The following TMEM232 variants were observed in gnomAD, a reference collection of about 807,000 sequenced individuals.
TMEM232 encodes transmembrane protein 232.
Under a neutral mutation model 78.8 loss-of-function variants are expected in TMEM232, and 80 were observed. The ratio of observed to expected loss-of-function variants is 1.01; its 90% CI spans 0.85 to 1.22. The LOEUF (loss-of-function observed/expected upper bound fraction) is 1.22. TMEM232 is among the 50% of genes most tolerant of loss of function. The pLI is 0.00. For missense variants in TMEM232, 881 were observed against 742.2 expected (o/e 1.19, Z -2.17); for synonymous variants, 297 against 254.3 (o/e 1.17, Z -1.60).
intron 1 of TMEM232, among the ~76,000 whole-genome samples, chr5:110,688,287 C>G (rs1793676693): frequency 6.6e-6 from 1 of 152,084 alleles, no homozygotes; most frequent in Admixed American, 6.6e-5. Flanking sequence ...GCCTGAACTT[C>G]AAGGCAGAAA....
intron 7 of TMEM232, among the ~76,000 whole-genome samples, chr5:110,622,805 A>G (rs969053453): frequency 5.5e-5 from 8 of 146,268 alleles, no homozygotes; most frequent in African/African-American, 1.5e-4. Flanking sequence ...GAACACATGG[A>G]CACAGGAAGG....
chr5:110,469,620 T>C (rs1762453082), intron 12 of TMEM232, among the ~76,000 whole-genome samples: 1 of 152,160 alleles, frequency 6.6e-6, no homozygotes, highest in Non-Finnish European at 1.5e-5. Context: ...ATATCCCTCC[T>C]AGTTGCTGCT....
chr5:110,608,049 A>T (rs1280112681), intron 8 of TMEM232, among the ~76,000 whole-genome samples: 3 of 151,886 alleles, frequency 2.0e-5, no homozygotes, highest in Non-Finnish European at 4.4e-5. Context: ...AAATAAGACA[A>T]AATCCTAATT....
intron 1 of TMEM232, among the ~76,000 whole-genome samples, chr5:110,685,747 T>C (rs961896806): frequency 1.3e-5 from 2 of 152,102 alleles, no homozygotes; most frequent in Non-Finnish European, 2.9e-5. Context: ...AACTCAACCA[T>C]CTGTCAGTGG....
At position 110,533,841 on chromosome 5, in the gene TMEM232, C is replaced by T. The variant is rs544149592; in HGVS notation, c.1456-5006G>A. On this transcript the variant is annotated intron_variant, in intron 11 of 13. Transcript: ENST00000455884. ...TAATGGCAGTTCCACCAGGCCTAAT[C>T]GCCACACACCAGCAAAGGCAGGCTA... is the stretch of plus-strand genomic sequence containing the variant. Among the ~76,000 whole-genome samples the T allele has an allele frequency of 9.9e-5, 15 of 152,254 alleles. No individual in the cohort carries two copies. The East Asian group carries it at 1.2e-3, about 12-fold the overall frequency.
intron 12 of TMEM232, among the ~76,000 whole-genome samples, chr5:110,436,740 A>G (rs568336362): frequency 4.6e-5 from 7 of 152,054 alleles, no homozygotes; most frequent in Non-Finnish European, 1.0e-4. Flanking sequence ...TATTCCTGGC[A>G]TCTTTATTGA....
intron 7 of TMEM232, among the ~76,000 whole-genome samples, chr5:110,619,815 T>C (rs1580383255): frequency 1.3e-5 from 2 of 152,078 alleles, no homozygotes; most frequent in South Asian, 4.1e-4. Context: ...TAAATAAATA[T>C]GTTTGACAAG....
chr5:110,674,712 T>C (rs192253557), intron 1 of TMEM232, among the ~76,000 whole-genome samples: 141 of 152,324 alleles, frequency 9.3e-4, no homozygotes, highest in Non-Finnish European at 1.6e-3. Context: ...AGACTACACA[T>C]CAGAGATTTC....
At chr5:110,396,847 G>T (rs115140999) in intron 3 of TMEM232, among the ~76,000 whole-genome samples, 1,697 of 152,096 alleles carry the variant, frequency 0.011, 32 homozygotes, top group African/African-American at 0.039. Flanking sequence ...TTTTTGCCTT[G>T]CTAGGGATGT....
At chr5:110,525,496 C>T (rs1770438081) in intron 12 of TMEM232, among the ~76,000 whole-genome samples, 1 of 151,642 alleles carries the variant, frequency 6.6e-6, no homozygotes, top group Admixed American at 6.6e-5. Flanking sequence ...AAGAAAAATG[C>T]AAGGCATATA....
chr5:110,547,484 T>A (rs1268292546), intron 11 of TMEM232, among the ~76,000 whole-genome samples: 2 of 152,154 alleles, frequency 1.3e-5, no homozygotes, highest in Admixed American at 6.6e-5. Flanking sequence ...TAGACATTAG[T>A]ACTCCTAAGA....
rs548588028 is a variant in TMEM232 at position 110,573,333 on chromosome 5, C to G, written c.1277-4708G>C. 1.6e-4 allele frequency among the ~76,000 whole-genome samples: 25 copies of G among 152,046 alleles called. No individual in the cohort carries two copies. The South Asian group carries it at 5.0e-3, about 30-fold the overall frequency. Reference sequence around the variant, plus strand: ...CAATTCTGTCAAATATAATATGACACTACAAAATCAAATGTGCCACTTAAA... The same window carrying G: ...CAATTCTGTCAAATATAATATGACAGTACAAAATCAAATGTGCCACTTAAA... On this transcript the variant is annotated intron_variant, in intron 10 of 13. Coordinates refer to ENST00000455884, the MANE Select transcript of TMEM232 (RefSeq NM_001039763.4).
intron 3 of TMEM232, among the ~76,000 whole-genome samples, chr5:110,391,326 T>TGAGAGAGAGAGAGAGAGAGAGA (rs71626630): frequency 4.3e-5 from 6 of 139,922 alleles, no homozygotes; most frequent in African/African-American, 1.5e-4. Flanking sequence ...TGTGTGTGTG[T>TGAGAGAGAGAGAGAGAGAGAGA]GAGAGAGAGA....
intron 1 of TMEM232, 193 bp from the exon 2 acceptor site, chr5:110,667,557 A>G: frequency 2.7e-6 from 1 of 374,648 alleles, no homozygotes; most frequent in Non-Finnish European, 4.6e-6. Flanking sequence ...AAAAGTTACT[A>G]TTATAAGTAT....
chr5:110,694,400 C>G (rs373410073), intron 1 of TMEM232, among the ~76,000 whole-genome samples: 5 of 152,072 alleles, frequency 3.3e-5, no homozygotes, highest in African/African-American at 1.2e-4. Context: ...CATCAACTAA[C>G]GAGCAAAATG....
intron 12 of TMEM232, among the ~76,000 whole-genome samples, chr5:110,502,605 T>C (rs1356001422): frequency 1.3e-5 from 2 of 152,150 alleles, no homozygotes; most frequent in Non-Finnish European, 2.9e-5. Context: ...ACTTAGAATA[T>C]AACTGGAACT....
intron 1 of TMEM232, among the ~76,000 whole-genome samples, chr5:110,737,490 A>G (rs1485170927): frequency 6.6e-6 from 1 of 152,192 alleles, no homozygotes; most frequent in Admixed American, 6.5e-5. Flanking sequence ...GTTATGTTTT[A>G]TATCACTTCA....
intron 2 of TMEM232, among the ~76,000 whole-genome samples, chr5:110,412,354 T>C (rs539093331): frequency 6.6e-6 from 1 of 152,318 alleles, no homozygotes; most frequent in South Asian, 2.1e-4. Context: ...CAAACCTAAT[T>C]TTCTTGCCAT....
intron 7 of TMEM232, among the ~76,000 whole-genome samples, chr5:110,624,983 G>T (rs1177678402): frequency 6.6e-6 from 1 of 151,960 alleles, no homozygotes; most frequent in Non-Finnish European, 1.5e-5. Context: ...ATGCTTACTG[G>T]TCTTTTTTGG....
Sources: gnomAD v4.1 joint callset for allele counts (sites outside exome capture counted in the v4.1 genomes callset) on GRCh38, gnomAD v4.1.1 for gene constraint, MANE v1.5 for transcripts, NCBI Gene and HGNC (gene_info 2026-07-23, HGNC 2026-07-21) for gene names.